UMAD1: variants seen among roughly 807,000 people sequenced by gnomAD.
UMAD1 encodes the protein UBAP1-MVB12-associated (UMA) domain containing 1, also known as UBAP1-MVB12-associated (UMA)-domain containing protein 1.
In UMAD1, 8 loss-of-function variants were observed where a neutral mutation model predicts 6.1. The observed-to-expected ratio is 1.30, with a 90% CI of 0.76 to 2.35. The LOEUF is 2.35. Among genes scored for constraint, UMAD1 ranks in the 30% most tolerant of loss-of-function variants. The pLI is 0.00. For synonymous variants in UMAD1, 56 were observed against 31.4 expected, an observed-to-expected ratio of 1.78 and a Z score of -2.61; for missense variants, 130 against 78.4, an observed-to-expected ratio of 1.66 and a Z score of -2.49.
chr7:7,875,379 C>CA (rs1379394510), intron 3 of UMAD1, among the ~76,000 whole-genome samples: 7 of 151,872 alleles, frequency 4.6e-5, no homozygotes, highest in Admixed American at 1.3e-4. Context: ...AAAAACCCTT[C>CA]AAAAAAATCA....
intron 3 of UMAD1, among the ~76,000 whole-genome samples, chr7:7,813,025 T>C (rs1267830693): frequency 1.3e-5 from 2 of 152,244 alleles, no homozygotes; most frequent in African/African-American, 4.8e-5. Flanking sequence ...GCACCTGGTC[T>C]AACTGACATT....
At chr7:7,841,192 C>T (rs959691110) in intron 3 of UMAD1, among the ~76,000 whole-genome samples, 2 of 152,074 alleles carry the variant, frequency 1.3e-5, no homozygotes, top group African/African-American at 4.8e-5. Context: ...TATTATGAGT[C>T]GGGTAAACAG....
intron 2 of UMAD1, among the ~76,000 whole-genome samples, chr7:7,778,418 T>C (rs1782270387): frequency 6.6e-6 from 1 of 151,764 alleles, no homozygotes; most frequent in African/African-American, 2.4e-5. Flanking sequence ...GTTTTTCTTT[T>C]TTTTCTTTCT....
chr7:7,868,835 C>A (rs147058274), intron 3 of UMAD1, among the ~76,000 whole-genome samples: 9 of 152,268 alleles, frequency 5.9e-5, no homozygotes, highest in African/African-American at 1.7e-4. Context: ...TTATTTCTTT[C>A]TTTGACCTAA....
intron 3 of UMAD1, among the ~76,000 whole-genome samples, chr7:7,876,194 C>A (rs1784416237): frequency 6.6e-6 from 1 of 151,872 alleles, no homozygotes. Context: ...GCGTCCTGGT[C>A]TGAGGGAATG....
chr7:7,811,366 T>C (rs1158312042), intron 3 of UMAD1, among the ~76,000 whole-genome samples: 1 of 152,236 alleles, frequency 6.6e-6, no homozygotes, highest in African/African-American at 2.4e-5. Flanking sequence ...TTCTTTGATG[T>C]GTTTATCCTC....
intron 2 of UMAD1, among the ~76,000 whole-genome samples, chr7:7,701,500 G>A (rs1422764428): frequency 6.6e-6 from 1 of 152,148 alleles, no homozygotes; most frequent in Non-Finnish European, 1.5e-5. Context: ...ACTCTTACAT[G>A]CTTGTAAATC....
Position 7,830,925 on chromosome 7 carries a change from A to C in UMAD1, c.156+29182A>C, listed in dbSNP as rs1348288024. On this transcript the variant is annotated intron_variant, in intron 3 of 3. Transcript: ENST00000682710. The surrounding 1 kb of genome is among the most constrained non-coding windows in gnomAD (Gnocchi z 5.3). Reference sequence around the variant, plus strand: ...AAGCCAATCACCCAAACATTTCCTCATGTGGCTACAAGAATATTTTTTAAT... The same window carrying C: ...AAGCCAATCACCCAAACATTTCCTCCTGTGGCTACAAGAATATTTTTTAAT... 6.6e-6 allele frequency among the ~76,000 whole-genome samples: 1 copy of C among 152,138 alleles called. No individual in the cohort carries two copies. The highest frequency in any genetic ancestry group is 6.5e-5 in the Admixed American group (1 of 15,272).
At chr7:7,782,798 G>A (rs571521299) in intron 2 of UMAD1, among the ~76,000 whole-genome samples, 27 of 148,164 alleles carry the variant, frequency 1.8e-4, no homozygotes, top group African/African-American at 4.8e-4. Flanking sequence ...GTGCAGTGGC[G>A]TGATCTTGAC....
chr7:7,820,308 T>C (rs1260768399), intron 3 of UMAD1, among the ~76,000 whole-genome samples: 1 of 152,246 alleles, frequency 6.6e-6, no homozygotes, highest in Non-Finnish European at 1.5e-5. Flanking sequence ...TTAGAAGTGA[T>C]TAAGATGAAT....
chr7:7,739,461 T>C (rs1297025065), intron 2 of UMAD1, among the ~76,000 whole-genome samples: 1 of 152,194 alleles, frequency 6.6e-6, no homozygotes, highest in Non-Finnish European at 1.5e-5. Flanking sequence ...TAACAAGTGG[T>C]TTTTTGAAGT....
intron 1 of UMAD1, among the ~76,000 whole-genome samples, chr7:7,669,433 T>C (rs770597835): frequency 1.3e-5 from 2 of 152,174 alleles, no homozygotes; most frequent in African/African-American, 2.4e-5. Context: ...CCACTGTAGG[T>C]TACGTTTTTA....
intron 1 of UMAD1, among the ~76,000 whole-genome samples, chr7:7,662,479 G>T (rs1785499346): frequency 6.6e-6 from 1 of 152,218 alleles, no homozygotes; most frequent in South Asian, 2.1e-4. Flanking sequence ...TCTGTGGGTT[G>T]CGAAGACCGT....
chr7:7,654,717 A>G lies in UMAD1; in HGVS notation c.-64+13896A>G, dbSNP rs1785301393. ...TAGGAGTTCGAGACCAGCCTGGCCA[A>G]TATGGTGAAACCCCATCTCTACTAA... On this transcript the variant is annotated intron_variant, in intron 1 of 3. Transcript: ENST00000682710. 2.6e-5 allele frequency among the ~76,000 whole-genome samples: 4 copies of G among 152,144 alleles called. No individual in the cohort carries two copies. The South Asian group carries it at 6.2e-4, about 24-fold the overall frequency.
At chr7:7,764,420 G>T (rs1781948734) in intron 2 of UMAD1, among the ~76,000 whole-genome samples, 1 of 152,146 alleles carries the variant, frequency 6.6e-6, no homozygotes, top group Admixed American at 6.5e-5. Flanking sequence ...AAGTAGTAAG[G>T]CAATATGAAG....
chr7:7,824,619 G>T (rs1486472000), intron 3 of UMAD1, among the ~76,000 whole-genome samples: 1 of 152,048 alleles, frequency 6.6e-6, no homozygotes, highest in South Asian at 2.1e-4. Context: ...ACAGTGTTTT[G>T]TCATGGTTTA....
At chr7:7,795,178 G>T (rs79650837) in intron 2 of UMAD1, among the ~76,000 whole-genome samples, 9,297 of 152,226 alleles carry the variant, frequency 0.061, 381 homozygotes, top group Non-Finnish European at 0.086. Flanking sequence ...TAACCTGACC[G>T]TCTCAGGCAC....
intron 3 of UMAD1, among the ~76,000 whole-genome samples, chr7:7,824,915 C>T (rs924217332): frequency 2.6e-5 from 4 of 152,060 alleles, no homozygotes; most frequent in African/African-American, 9.7e-5. Context: ...GATAGCTAGT[C>T]CACCTATGCT....
intron 1 of UMAD1, among the ~76,000 whole-genome samples, chr7:7,656,420 A>T (rs1785344659): frequency 6.6e-6 from 1 of 152,068 alleles, no homozygotes; most frequent in Non-Finnish European, 1.5e-5. Context: ...GCATCCATCA[A>T]TCTGTCATCT....
Sources: allele counts gnomAD v4.1 joint callset (sites outside exome capture counted in the v4.1 genomes callset), GRCh38; gene constraint gnomAD v4.1.1; non-coding constraint Gnocchi (gnomAD v3.1); transcripts MANE v1.5; gene names NCBI Gene and HGNC (gene_info 2026-07-23, HGNC 2026-07-21).